Variants in FGF14 observed in about 807,000 individuals in gnomAD.
FGF14 encodes fibroblast growth factor homologous factor 4.
FGF14 carries 5 observed loss-of-function variants against 25.5 expected under a neutral mutation model. That is an observed-to-expected ratio of 0.20 (90% CI 0.10 to 0.41). The LOEUF (loss-of-function observed/expected upper bound fraction) is 0.41, where lower values mean the gene tolerates loss of function less well. Ranked by LOEUF, FGF14 falls within the 10% of genes least tolerant of loss-of-function variation. FGF14 has a pLI of 1.00. For synonymous variants in FGF14, 138 were observed against 118.3 expected, an observed-to-expected ratio of 1.17 and a Z score of -1.08; for missense variants, 222 against 320.1, an observed-to-expected ratio of 0.69 and a Z score of 2.34.
rs553909430 is a variant in FGF14, at chr13:102,271,596, C to T, written c.208+129875G>A. Among the ~76,000 whole-genome samples the T allele has an allele frequency of 5.3e-4, 81 of 152,272 alleles. 1 individual carries two copies. The highest frequency in any genetic ancestry group is 6.9e-4 in the Non-Finnish European group (47 of 68,036). ...TACTCGTTCCATCTATTTAGGTTCA[C>T]TGGAGTTAATATCACGTTGTGTTTC... On this transcript the variant is annotated intron_variant, in intron 1 of 4. Transcript: ENST00000376131.
intron 1 of FGF14, among the ~76,000 whole-genome samples, chr13:102,330,706 T>C (rs992193545): frequency 1.3e-5 from 2 of 152,074 alleles, no homozygotes; most frequent in African/African-American, 4.8e-5. Flanking sequence ...CTGACCACCC[T>C]ACTCAAAACT....
chr13:101,828,565 G>A (rs191803208), intron 3 of FGF14, among the ~76,000 whole-genome samples: 1 of 150,082 alleles, frequency 6.7e-6, no homozygotes, highest in Non-Finnish European at 1.5e-5. Context: ...TTTCCAAATT[G>A]AAGACTGAAA....
chr13:102,335,010 G>A (rs2056750519), intron 1 of FGF14, among the ~76,000 whole-genome samples: 2 of 152,092 alleles, frequency 1.3e-5, no homozygotes, highest in Non-Finnish European at 2.9e-5. Context: ...CACATCTTCT[G>A]CTTTTTTCCC....
chr13:101,974,892 T>C (rs1260093839), intron 1 of FGF14, among the ~76,000 whole-genome samples: 1 of 152,126 alleles, frequency 6.6e-6, no homozygotes, highest in Admixed American at 6.5e-5. Context: ...GATTTCTCAC[T>C]GAGTGTGATG....
At chr13:102,070,240 AAAT>A (rs1375369352) in intron 1 of FGF14, among the ~76,000 whole-genome samples, 2 of 152,232 alleles carry the variant, frequency 1.3e-5, no homozygotes, top group Non-Finnish European at 2.9e-5. Context: ...ACATTTCTCA[AAAT>A]AAGACATACA....
At chr13:101,798,097 T>C (rs564898513) in intron 3 of FGF14, among the ~76,000 whole-genome samples, 9 of 152,236 alleles carry the variant, frequency 5.9e-5, no homozygotes, top group African/African-American at 2.2e-4. Flanking sequence ...CTCTGTTTTT[T>C]TGTATTTGAT....
At chr13:101,975,741 G>C (rs1468569941) in intron 1 of FGF14, among the ~76,000 whole-genome samples, 1 of 152,196 alleles carries the variant, frequency 6.6e-6, no homozygotes, top group Non-Finnish European at 1.5e-5. Context: ...GAGATTCAGA[G>C]AGGGAACTTA....
chr13:101,945,935 C>T (rs919354047), intron 1 of FGF14, among the ~76,000 whole-genome samples: 1 of 151,998 alleles, frequency 6.6e-6, no homozygotes, highest in Non-Finnish European at 1.5e-5. Flanking sequence ...ATACGTGGGT[C>T]ACTAGGGAAT....
chr13:102,140,677 A>T (rs1342106785), intron 1 of FGF14, among the ~76,000 whole-genome samples: 3 of 152,154 alleles, frequency 2.0e-5, no homozygotes, highest in Non-Finnish European at 4.4e-5. Context: ...ACTTAATAAA[A>T]CCTCAAGATG....
At chr13:101,780,738 G>C (rs1188394038) in intron 3 of FGF14, among the ~76,000 whole-genome samples, 3 of 152,028 alleles carry the variant, frequency 2.0e-5, no homozygotes, top group Non-Finnish European at 4.4e-5. Flanking sequence ...GGGTCTTTGT[G>C]CAGTTCACCC....
rs376445690 is a variant in FGF14 at position 102,371,423 on chromosome 13, T to C, written c.208+30048A>G. On this transcript the variant is annotated intron_variant, in intron 1 of 4. Coordinates refer to the FGF14 transcript ENST00000376131. ...TCTCTCTCCTCTGCCTAAAATAGCC[T>C]TATTCCCTTCTTAGCCAGCAAACTT... 2.1e-3 allele frequency among the ~76,000 whole-genome samples: 322 copies of C among 152,272 alleles called. 1 individual carries two copies. The highest frequency in any genetic ancestry group is 7.6e-3 in the African/African-American group (315 of 41,558).
intron 1 of FGF14, among the ~76,000 whole-genome samples, chr13:101,980,975 C>T (rs1192967967): frequency 6.6e-6 from 1 of 151,104 alleles, no homozygotes; most frequent in Non-Finnish European, 1.5e-5. Context: ...GGTGTGGTGG[C>T]TCAAGCCTGT....
At chr13:102,371,999 T>C (rs1464031286) in intron 1 of FGF14, among the ~76,000 whole-genome samples, 1 of 152,186 alleles carries the variant, frequency 6.6e-6, no homozygotes, top group Non-Finnish European at 1.5e-5. Context: ...CCTGAAGTTC[T>C]TGGGATCAGA....
intron 1 of FGF14, among the ~76,000 whole-genome samples, chr13:102,385,284 G>A (rs1252925708): frequency 6.6e-6 from 1 of 152,132 alleles, no homozygotes; most frequent in African/African-American, 2.4e-5. Context: ...ACCTATAGAA[G>A]AACCTATAAT....
intron 1 of FGF14, among the ~76,000 whole-genome samples, chr13:102,043,234 C>T (rs945274138): frequency 6.6e-6 from 1 of 152,096 alleles, no homozygotes; most frequent in Non-Finnish European, 1.5e-5. Flanking sequence ...TAACACAATC[C>T]GGATAAGCAA....
intron 3 of FGF14, among the ~76,000 whole-genome samples, chr13:101,854,751 A>G (rs2140380501): frequency 6.6e-6 from 1 of 152,082 alleles, no homozygotes; most frequent in East Asian, 1.9e-4. Context: ...CTCCCATGAT[A>G]CCTGTCCACC....
At chr13:102,005,040 G>C (rs1269547212) in intron 1 of FGF14, among the ~76,000 whole-genome samples, 1 of 152,184 alleles carries the variant, frequency 6.6e-6, no homozygotes, top group Non-Finnish European at 1.5e-5. Flanking sequence ...AGGCATTTAT[G>C]TGGAGGCATC....
chr13:102,288,184 A>G (rs1037552946), intron 1 of FGF14, among the ~76,000 whole-genome samples: 34 of 152,206 alleles, frequency 2.2e-4, no homozygotes, highest in African/African-American at 8.2e-4. Context: ...AGGCTAATAA[A>G]GTGGTCATGT....
At chr13:102,099,753 T>A (rs1262206780) in intron 1 of FGF14, among the ~76,000 whole-genome samples, 2 of 152,054 alleles carry the variant, frequency 1.3e-5, no homozygotes, top group Admixed American at 1.3e-4. Context: ...AATAAATGCA[T>A]GTGTATATTA....
Sources: gnomAD v4.1 joint callset for allele counts (sites outside exome capture counted in the v4.1 genomes callset) on GRCh38, gnomAD v4.1.1 for gene constraint, MANE v1.5 for transcripts, NCBI Gene and HGNC (gene_info 2026-07-23, HGNC 2026-07-21) for gene names.